Variants in PGM5 observed in about 807,000 individuals in gnomAD.
PGM5 encodes the protein phosphoglucomutase-like protein 5.
PGM5 carries 23 observed loss-of-function variants against 59.2 expected under a neutral mutation model. That is an observed-to-expected ratio of 0.39 (90% CI 0.28 to 0.55). The LOEUF is 0.55. PGM5 is among the 20% of genes least tolerant of loss of function. The pLI is 0.66. For missense variants in PGM5, 574 were observed against 748.3 expected (o/e 0.77, Z 2.72); for synonymous variants, 214 against 286.0 (o/e 0.75, Z 2.54).
chr9:68,468,366 C>A (rs555999563), intron 7 of PGM5, among the ~76,000 whole-genome samples: 1 of 152,266 alleles, frequency 6.6e-6, no homozygotes, highest in South Asian at 2.1e-4. Flanking sequence ...TCAAATAAAT[C>A]TAGCAACTGG....
At chr9:68,418,778 CCTT>C (rs1369775433) in intron 6 of PGM5, among the ~76,000 whole-genome samples, 3 of 152,030 alleles carry the variant, frequency 2.0e-5, no homozygotes, top group Non-Finnish European at 2.9e-5. Flanking sequence ...CCCGCTTTCT[CCTT>C]CTCCTGGGAA....
At chr9:68,529,059 C>T (rs1053211309) in intron 10 of PGM5, among the ~76,000 whole-genome samples, 4 of 152,148 alleles carry the variant, frequency 2.6e-5, no homozygotes, top group African/African-American at 9.7e-5. Context: ...CATGATCAGT[C>T]ATTTCTGCAA....
At chr9:68,364,372 G>T (rs572561219) in intron 1 of PGM5, among the ~76,000 whole-genome samples, 1 of 152,356 alleles carries the variant, frequency 6.6e-6, no homozygotes, top group African/African-American at 2.4e-5. Context: ...GAAGAAAGAA[G>T]GGAGGGAGAG....
At chr9:68,485,129 C>T (rs1236861953) in intron 9 of PGM5, among the ~76,000 whole-genome samples, 1 of 152,170 alleles carries the variant, frequency 6.6e-6, no homozygotes, top group African/African-American at 2.4e-5. Context: ...GCTGTTAATG[C>T]AGTATTCCTC....
rs1824700588 is a variant in PGM5, at chr9:68,508,916, T to C, written c.1614+9555T>C. Among the ~76,000 whole-genome samples the C allele has an allele frequency of 4.6e-5, 7 of 152,322 alleles. 1 individual carries two copies. In the South Asian group the frequency reaches 1.5e-3, roughly 32 times the overall value. On this transcript the variant is annotated intron_variant, in intron 10 of 10. Coordinates refer to ENST00000396396, the MANE Select transcript of PGM5 (RefSeq NM_021965.4). ...CAGTAAATAATTTGCTTTGCTTATA[T>C]AATAAACAAGAGTGTATCTTAACAA...
chr9:68,389,982 A>C (rs1213837435), intron 4 of PGM5, among the ~76,000 whole-genome samples: 1 of 152,034 alleles, frequency 6.6e-6, no homozygotes, highest in African/African-American at 2.4e-5. Context: ...ATATTTTAAA[A>C]AGTTTTCTTT....
chr9:68,426,462 C>T (rs1044632173), intron 6 of PGM5, among the ~76,000 whole-genome samples: 1 of 152,020 alleles, frequency 6.6e-6, no homozygotes, highest in Non-Finnish European at 1.5e-5. Flanking sequence ...ATTTGTGTTC[C>T]ACTTTTCATA....
chr9:68,446,538 CTGAT>C (rs1823614495), intron 6 of PGM5, among the ~76,000 whole-genome samples: 2 of 152,118 alleles, frequency 1.3e-5, no homozygotes, highest in Non-Finnish European at 2.9e-5. Flanking sequence ...GTTCAGAAGC[CTGAT>C]TGGTTGTGTA....
At chr9:68,451,366 CT>C (rs1277328612) in intron 6 of PGM5, among the ~76,000 whole-genome samples, 5 of 152,148 alleles carry the variant, frequency 3.3e-5, no homozygotes, top group African/African-American at 1.2e-4. Context: ...ATATTTTCTT[CT>C]TTTGAAAGGT....
At chr9:68,510,109 A>T (rs894275133) in intron 10 of PGM5, among the ~76,000 whole-genome samples, 3 of 149,354 alleles carry the variant, frequency 2.0e-5, no homozygotes, top group Non-Finnish European at 3.0e-5. Flanking sequence ...TCAAAGCTGG[A>T]TGGCCTCTGA....
chr9:68,407,082 A>G (rs1394594251), intron 6 of PGM5, among the ~76,000 whole-genome samples: 1 of 152,052 alleles, frequency 6.6e-6, no homozygotes. Context: ...TAGCTTTTTA[A>G]AAATATGTAT....
intron 9 of PGM5, among the ~76,000 whole-genome samples, chr9:68,485,235 C>T (rs1824275740): frequency 6.6e-6 from 1 of 152,164 alleles, no homozygotes; most frequent in Non-Finnish European, 1.5e-5. Context: ...AACTGTATCT[C>T]AAGTTCATCT....
intron 6 of PGM5, among the ~76,000 whole-genome samples, chr9:68,419,914 T>C (rs529667155): frequency 1.3e-5 from 2 of 152,252 alleles, no homozygotes; most frequent in East Asian, 1.9e-4. Context: ...TCTGTTAAAA[T>C]CAGATTCCCA....
intron 2 of PGM5, among the ~76,000 whole-genome samples, chr9:68,381,893 A>T (rs1157383062): frequency 2.6e-5 from 4 of 151,990 alleles, no homozygotes; most frequent in Non-Finnish European, 5.9e-5. Context: ...ACACAAATAA[A>T]TAGATATCCT....
intron 1 of PGM5, among the ~76,000 whole-genome samples, chr9:68,375,394 C>T (rs1412926509): frequency 1.3e-5 from 2 of 152,214 alleles, no homozygotes; most frequent in Non-Finnish European, 2.9e-5. Context: ...TGTTCATCCT[C>T]CTTCCAAAAA....
intron 10 of PGM5, among the ~76,000 whole-genome samples, chr9:68,523,868 A>C (rs939349980): frequency 2.0e-4 from 30 of 152,184 alleles, no homozygotes; most frequent in African/African-American, 7.0e-4. Context: ...GATTCTGGTT[A>C]GGGTATTGTT....
At chr9:68,511,407 C>T (rs768144417) in intron 10 of PGM5, among the ~76,000 whole-genome samples, 2 of 152,030 alleles carry the variant, frequency 1.3e-5, no homozygotes, top group Non-Finnish European at 2.9e-5. Flanking sequence ...TTTCGGGATC[C>T]TTTTGGCCAA....
At chr9:68,478,304 A>G (rs4745041) in intron 7 of PGM5, among the ~76,000 whole-genome samples, 19,786 of 152,216 alleles carry the variant, frequency 0.13, 2,372 homozygotes, top group East Asian at 0.34. Context: ...GAATAGCTGT[A>G]GGATATACCT....
chr9:68,401,772 T>C (rs1258530351), intron 6 of PGM5, among the ~76,000 whole-genome samples: 17 of 152,294 alleles, frequency 1.1e-4, no homozygotes, highest in Admixed American at 8.5e-4. Context: ...AAAATACTTA[T>C]TCAATTTAAA....
Sources: allele counts gnomAD v4.1 joint callset (sites outside exome capture counted in the v4.1 genomes callset), GRCh38; gene constraint gnomAD v4.1.1; transcripts MANE v1.5; gene names NCBI Gene and HGNC (gene_info 2026-07-23, HGNC 2026-07-21).